Variants in GJB7 observed in about 807,000 individuals in gnomAD.
GJB7 encodes the protein gap junction beta-7 protein.
For missense variants in GJB7, 253 were observed against 256.8 expected (o/e 0.99, Z 0.10); for synonymous variants, 87 against 95.2 (o/e 0.91, Z 0.50).
chr6:87,313,767 G>A (rs756240657), intron 2 of GJB7, among the ~76,000 whole-genome samples: 5 of 152,330 alleles, frequency 3.3e-5, no homozygotes, highest in Middle Eastern at 3.4e-3. Context: ...GTAGGTCAGC[G>A]TTTCTGAAAG....
intron 2 of GJB7, among the ~76,000 whole-genome samples, chr6:87,308,434 G>T (rs1173649222): frequency 6.6e-6 from 1 of 152,050 alleles, no homozygotes; most frequent in Non-Finnish European, 1.5e-5. Context: ...GACTGCAAAA[G>T]ATAGCTTTAA....
intron 2 of GJB7, among the ~76,000 whole-genome samples, chr6:87,320,099 A>G (rs2127911139): frequency 6.6e-6 from 1 of 152,280 alleles, no homozygotes; most frequent in South Asian, 2.1e-4. Flanking sequence ...AAGATCTAGT[A>G]TTTGATAGCA....
At chr6:87,292,707 G>C (rs1424283362) in intron 2 of GJB7, among the ~76,000 whole-genome samples, 1 of 152,216 alleles carries the variant, frequency 6.6e-6, no homozygotes, top group Non-Finnish European at 1.5e-5. Context: ...GAATAGCTTA[G>C]GAAGAGAATT....
intron 2 of GJB7, among the ~76,000 whole-genome samples, chr6:87,296,705 TA>T (rs1776252784): frequency 6.6e-6 from 1 of 152,066 alleles, no homozygotes; most frequent in Non-Finnish European, 1.5e-5. Context: ...ATTTGGGGAA[TA>T]ACTATTACTC....
At position 87,283,050 on chromosome 6, in the gene GJB7, A is replaced by G. The variant is rs1198914228; in HGVS notation, c.*1191T>C. 1 of 152,202 alleles carries G rather than the reference A, an allele frequency of 6.6e-6. No homozygotes were observed. 9.4% of individuals were successfully genotyped at this position (152,202 alleles called of 1,614,324 possible). On this transcript the variant is annotated 3_prime_UTR_variant, in exon 3 of 3. Coordinates refer to ENST00000525899, the MANE Select transcript of GJB7 (RefSeq NM_198568.3). Reference sequence around the variant, plus strand: ...TTAAAGTACTAAATCCAAAGAGAACATATCTGTGAATTGCTAAGAAAATAT... The same window carrying G: ...TTAAAGTACTAAATCCAAAGAGAACGTATCTGTGAATTGCTAAGAAAATAT...
At chr6:87,296,337 G>T (rs1198041379) in intron 2 of GJB7, among the ~76,000 whole-genome samples, 2 of 152,114 alleles carry the variant, frequency 1.3e-5, no homozygotes, top group African/African-American at 4.8e-5. Flanking sequence ...CCTATTTTAA[G>T]AGTTAAATTT....
At chr6:87,289,548 A>G (rs1562208616) in intron 2 of GJB7, among the ~76,000 whole-genome samples, 1 of 152,218 alleles carries the variant, frequency 6.6e-6, no homozygotes, top group Non-Finnish European at 1.5e-5. Flanking sequence ...TAGATACAAG[A>G]GTTCCAGTTC....
At chr6:87,306,830 G>T (rs1582563162) in intron 2 of GJB7, among the ~76,000 whole-genome samples, 1 of 152,244 alleles carries the variant, frequency 6.6e-6, no homozygotes, top group African/African-American at 2.4e-5. Flanking sequence ...ATACACCATG[G>T]AATATTATGC....
chr6:87,316,318 C>T (rs1362998581), intron 2 of GJB7, among the ~76,000 whole-genome samples: 2 of 152,186 alleles, frequency 1.3e-5, no homozygotes, highest in Non-Finnish European at 2.9e-5. Flanking sequence ...CTAGTCCCCT[C>T]CTCATAAAAT....
At chr6:87,322,292 T>C (rs1253041419) in intron 2 of GJB7, 1 of 152,086 alleles carries the variant, frequency 6.6e-6, no homozygotes, top group African/African-American at 2.4e-5. Flanking sequence ...ATAAACATAC[T>C]TCTAGGAGAT....
intron 2 of GJB7, among the ~76,000 whole-genome samples, chr6:87,317,352 A>C (rs1776598345): frequency 6.6e-6 from 1 of 152,166 alleles, no homozygotes; most frequent in African/African-American, 2.4e-5. Flanking sequence ...CGACAAAGCA[A>C]GACCCTGTCT....
intron 2 of GJB7, among the ~76,000 whole-genome samples, chr6:87,305,854 G>A (rs1280070578): frequency 1.3e-5 from 2 of 152,126 alleles, no homozygotes; most frequent in African/African-American, 4.8e-5. Context: ...AAAGAACAGA[G>A]CCCTCAGAAA....
intron 2 of GJB7, among the ~76,000 whole-genome samples, chr6:87,297,653 G>T (rs1370797269): frequency 6.6e-6 from 1 of 152,122 alleles, no homozygotes; most frequent in Non-Finnish European, 1.5e-5. Flanking sequence ...ACATGAAAAG[G>T]CAATTGAATA....
intron 2 of GJB7, among the ~76,000 whole-genome samples, chr6:87,298,164 A>G (rs1187474617): frequency 1.3e-5 from 2 of 152,244 alleles, no homozygotes; most frequent in Non-Finnish European, 2.9e-5. Flanking sequence ...AGAATGGCTA[A>G]TATAACTAAA....
chr6:87,294,651 G>T (rs1344757962), intron 2 of GJB7, among the ~76,000 whole-genome samples: 2 of 152,196 alleles, frequency 1.3e-5, no homozygotes, highest in Non-Finnish European at 2.9e-5. Context: ...ACTGTGTTTT[G>T]TTCTGGCCTG....
chr6:87,298,995 T>C, intron 2 of GJB7: 1 of 480,128 alleles, frequency 2.1e-6, no homozygotes, highest in Non-Finnish European at 4.1e-6. Context: ...GGTGTGACTG[T>C]TCCAAAGTCA....
intron 2 of GJB7, among the ~76,000 whole-genome samples, chr6:87,293,173 A>G (rs928713733): frequency 6.6e-6 from 1 of 152,196 alleles, no homozygotes; most frequent in Admixed American, 6.5e-5. Context: ...TGGGGACTAC[A>G]GGCACGCGCC....
intron 2 of GJB7, among the ~76,000 whole-genome samples, chr6:87,295,920 A>C (rs553635906): frequency 5.3e-5 from 8 of 152,268 alleles, no homozygotes; most frequent in Non-Finnish European, 1.0e-4. Context: ...ACATCAATTT[A>C]GCTACCACTG....
intron 2 of GJB7, among the ~76,000 whole-genome samples, chr6:87,304,318 C>T (rs149959344): frequency 1.5e-3 from 229 of 151,998 alleles, no homozygotes; most frequent in African/African-American, 4.9e-3. Context: ...AATCAAATGA[C>T]GCAATATAAA....
Sources: gnomAD v4.1 joint callset for allele counts (sites outside exome capture counted in the v4.1 genomes callset) on GRCh38, gnomAD v4.1.1 for gene constraint, MANE v1.5 for transcripts, NCBI Gene and HGNC (gene_info 2026-07-23, HGNC 2026-07-21) for gene names.